The following TTC29 variants were observed in gnomAD, a reference collection of about 807,000 sequenced individuals.
The protein encoded by TTC29 is tetratricopeptide repeat domain 29, also known as tetratricopeptide repeat protein 29.
In TTC29, 49 loss-of-function variants were observed where a neutral mutation model predicts 58.1. The ratio of observed to expected loss-of-function variants is 0.84; its 90% CI spans 0.67 to 1.07. TTC29 has a LOEUF of 1.07. Ranked by LOEUF, TTC29 falls within the 50% of genes least tolerant of loss-of-function variation. TTC29 has a pLI of 0.00. For missense variants in TTC29, 582 were observed against 555.6 expected, an observed-to-expected ratio of 1.05 and a Z score of -0.48; for synonymous variants, 209 against 196.8, an observed-to-expected ratio of 1.06 and a Z score of -0.52.
intron 4 of TTC29, among the ~76,000 whole-genome samples, chr4:146,916,892 G>T (rs970138340): frequency 6.6e-5 from 10 of 151,112 alleles, no homozygotes; most frequent in African/African-American, 2.4e-4. Flanking sequence ...ATGTAAATAG[G>T]GCAGGTGGCA....
chr4:146,803,379 G>A lies in TTC29; in HGVS notation c.1330+78C>T, dbSNP rs1407072994. On this transcript the variant is annotated intron_variant, in intron 11 of 12. Coordinates refer to ENST00000325106, the MANE Select transcript of TTC29 (RefSeq NM_031956.4). ...TCAAATTAAAATCACCGACATTTGA[G>A]TGAAACTTTCCAATGAAAGTAAATT... The A allele has an allele frequency of 6.6e-6, 7 of 1,059,886 alleles. No individual in the cohort carries two copies. In the East Asian group the frequency reaches 1.6e-4, roughly 24 times the overall value. The allele number at this position is 1,059,886 out of a possible 1,614,324, so 65.7% of individuals were successfully genotyped here. A position where few individuals can be genotyped will look rare whatever the true frequency, so the allele number is the denominator to read the frequency against.
intron 11 of TTC29, among the ~76,000 whole-genome samples, chr4:146,742,639 T>TC (rs1745247054): frequency 7.8e-6 from 1 of 128,000 alleles, no homozygotes; most frequent in Non-Finnish European, 1.6e-5. Flanking sequence ...TTCGTTTCCT[T>TC]CCTTCTTTCC....
intron 11 of TTC29, among the ~76,000 whole-genome samples, chr4:146,772,674 T>C (rs1043586340): frequency 6.6e-6 from 1 of 152,182 alleles, no homozygotes; most frequent in African/African-American, 2.4e-5. Flanking sequence ...CCAGCTTTGT[T>C]CTTCTTGCTT....
chr4:146,815,159 G>A (rs1447409373), intron 10 of TTC29, among the ~76,000 whole-genome samples: 1 of 152,072 alleles, frequency 6.6e-6, no homozygotes, highest in African/African-American at 2.4e-5. Flanking sequence ...GGGGTGGGAG[G>A]GAAGAGAGTG....
At chr4:146,737,508 A>T (rs954124371) in intron 11 of TTC29, among the ~76,000 whole-genome samples, 2 of 147,150 alleles carry the variant, frequency 1.4e-5, no homozygotes, top group African/African-American at 5.0e-5. Flanking sequence ...AGAGAGATAG[A>T]GACTGCTGAT....
chr4:146,706,682 T>C lies in TTC29; in HGVS notation c.*476A>G, dbSNP rs115407826. 3,579 of 152,418 alleles carry C rather than the reference T, an allele frequency of 0.023. 60 individuals are homozygous for C. Among genetic ancestry groups the C allele is most frequent in the Non-Finnish European group, 0.039 (2,686 of 68,154 alleles). The allele number at this position is 152,418 out of a possible 1,614,324, so 9.4% of individuals were successfully genotyped here. On this transcript the variant is annotated 3_prime_UTR_variant, in exon 13 of 13. Transcript: ENST00000325106. ...GCTAAAAGTATCATAAAATATACTG[T>C]TACACAGGTAAAGAAAACTGTTTCA...
chr4:146,713,169 C>T (rs756487683), intron 11 of TTC29, among the ~76,000 whole-genome samples: 2 of 148,920 alleles, frequency 1.3e-5, no homozygotes, highest in Non-Finnish European at 3.0e-5. Flanking sequence ...AAACAAGTAG[C>T]ATATAATAAC....
In TTC29 at chr4:146,877,354, T is replaced by C. The variant is rs983292981; in HGVS notation, c.587-2426A>G. Among the ~76,000 whole-genome samples, 4 of 152,186 alleles carry C rather than the reference T, an allele frequency of 2.6e-5. 1 individual carries two copies. Among genetic ancestry groups the C allele is most frequent in the African/African-American group, 4.8e-5 (2 of 41,456 alleles). On this transcript the variant is annotated intron_variant, in intron 6 of 12. Transcript: ENST00000325106. ...GCATGTTTATTTTGTCATCAGGATA[T>C]ACAATGAAAGTTATTTAAGAAATAA...
chr4:146,802,281 T>C (rs1239749746), intron 11 of TTC29, among the ~76,000 whole-genome samples: 1 of 152,130 alleles, frequency 6.6e-6, no homozygotes, highest in Non-Finnish European at 1.5e-5. Context: ...AACTCAAAAC[T>C]ACAGACCTCT....
chr4:146,707,653 T>C, intron 11 of TTC29, 102 bp from the exon 12 acceptor site: 2 of 787,562 alleles, frequency 2.5e-6, no homozygotes, highest in African/African-American at 1.7e-5. Context: ...TCTGTCCTTA[T>C]CACCTATAAG....
chr4:146,801,086 G>A (rs1750183932), intron 11 of TTC29, among the ~76,000 whole-genome samples: 1 of 152,136 alleles, frequency 6.6e-6, no homozygotes, highest in Admixed American at 6.5e-5. Flanking sequence ...GCTGAGGGCA[G>A]GGGGAGTGGC....
At chr4:146,751,265 TAGC>T (rs1745969932) in intron 11 of TTC29, among the ~76,000 whole-genome samples, 1 of 152,188 alleles carries the variant, frequency 6.6e-6, no homozygotes. Context: ...ACAATAATAG[TAGC>T]AGATTTCAAT....
At chr4:146,786,602 G>A (rs1749035416) in intron 11 of TTC29, among the ~76,000 whole-genome samples, 1 of 152,058 alleles carries the variant, frequency 6.6e-6, no homozygotes, top group Non-Finnish European at 1.5e-5. Context: ...ATCGTAATTG[G>A]TTCCACAACT....
chr4:146,795,099 G>T (rs1159370694), intron 11 of TTC29, among the ~76,000 whole-genome samples: 1 of 152,112 alleles, frequency 6.6e-6, no homozygotes, highest in African/African-American at 2.4e-5. Flanking sequence ...CTTTTTGACT[G>T]AAGTTTAGAA....
chr4:146,742,353 T>C (rs1249645217), intron 11 of TTC29, among the ~76,000 whole-genome samples: 1 of 152,128 alleles, frequency 6.6e-6, no homozygotes, highest in Non-Finnish European at 1.5e-5. Context: ...AAGAACTGTA[T>C]TGCAGGGGGC....
chr4:146,729,584 G>T (rs1744178316), intron 11 of TTC29, among the ~76,000 whole-genome samples: 1 of 152,074 alleles, frequency 6.6e-6, no homozygotes. Context: ...GGTTTGCTTT[G>T]TTATAAAGAT....
chr4:146,718,500 T>C (rs2150001195), intron 11 of TTC29, among the ~76,000 whole-genome samples: 1 of 152,334 alleles, frequency 6.6e-6, no homozygotes, highest in South Asian at 2.1e-4. Context: ...TCGCCACTTA[T>C]GTCTTTGTTT....
chr4:146,831,911 G>T, intron 9 of TTC29: 1 of 198,236 alleles, frequency 5.0e-6, no homozygotes. Context: ...TCCCCTTGAA[G>T]TTTTATCTCT....
chr4:146,879,606 A>G (rs1731491303), intron 6 of TTC29, among the ~76,000 whole-genome samples: 1 of 152,188 alleles, frequency 6.6e-6, no homozygotes, highest in African/African-American at 2.4e-5. Flanking sequence ...AACTTCTACA[A>G]AGCTTTCATA....
Sources: gnomAD v4.1 joint callset for allele counts (sites outside exome capture counted in the v4.1 genomes callset) on GRCh38, gnomAD v4.1.1 for gene constraint, MANE v1.5 for transcripts, NCBI Gene and HGNC (gene_info 2026-07-23, HGNC 2026-07-21) for gene names.